Variants in SLC7A5 observed in about 807,000 individuals in gnomAD.
SLC7A5 encodes solute carrier family 7 member 5.
A neutral mutation model predicts 50.2 loss-of-function variants in SLC7A5; 23 were observed. The ratio of observed to expected loss-of-function variants is 0.46; its 90% CI spans 0.33 to 0.65. The LOEUF (loss-of-function observed/expected upper bound fraction) is 0.65. Among genes scored for constraint, SLC7A5 ranks in the 30% least tolerant of loss-of-function variants. SLC7A5 has a pLI of 0.02. For synonymous variants in SLC7A5, 393 were observed against 330.6 expected (o/e 1.19, Z -2.05); for missense variants, 578 against 684.4 (o/e 0.84, Z 1.73).
intron 1 of SLC7A5, among the ~76,000 whole-genome samples, chr16:87,866,015 A>G (rs114890910): frequency 0.024 from 3,682 of 152,226 alleles, 132 homozygotes; most frequent in African/African-American, 0.084. Context: ...AACAAAATCA[A>G]AAACAAAAAG....
chr16:87,853,175 C>T lies in SLC7A5; in HGVS notation c.539-1326G>A, dbSNP rs1446499711. On this transcript the variant is annotated intron_variant, in intron 1 of 9. Transcript: ENST00000261622. The surrounding 1 kb of genome is among the most constrained non-coding windows in gnomAD (Gnocchi z 4.4). ...GCCAAGGCCTTGAGGACTCCAGTGG[C>T]TTTTCCCCAGCTGAACAAATCCTGT... 2.0e-5 allele frequency among the ~76,000 whole-genome samples: 3 copies of T among 152,238 alleles called. No individual in the cohort carries two copies. The highest frequency in any genetic ancestry group is 4.4e-5 in the Non-Finnish European group (3 of 68,044).
intron 1 of SLC7A5, among the ~76,000 whole-genome samples, chr16:87,856,695 C>A (rs1019715275): frequency 5.3e-5 from 8 of 152,240 alleles, no homozygotes; most frequent in African/African-American, 1.7e-4. Context: ...CTGCCCAGTG[C>A]ACATGGGGCT....
rs1567505624 is a variant in SLC7A5, at chr16:87,869,446, G to C, written c.-24C>G. On this transcript the variant is annotated 5_prime_UTR_variant, in exon 1 of 10. Transcript: ENST00000261622. ...ATGCTCTGCGCACCGGCCGGGCCTG[G>C]GACACCCGGGAGCCGCGGCCCAGCG... is the stretch of plus-strand genomic sequence containing the variant. 2.2e-6 allele frequency: 3 copies of C among 1,387,344 alleles called. No homozygotes were observed. The East Asian group carries it at 8.8e-5, about 41-fold the overall frequency. 85.9% of individuals were successfully genotyped at this position (1,387,344 alleles called of 1,614,324 possible).
At position 87,851,833 on chromosome 16, in the gene SLC7A5, C is replaced by G. The variant is rs1314787280; in HGVS notation, c.555G>C (p.Val185=). Residue 185 remains valine, a synonymous_variant, in exon 2 of 10, where the codon GTG becomes GTC. Transcript: ENST00000261622. ...TGGCGGCCTTCACGCTGTAGCAGTT[C>G]ACGGCCGTGAGCAGCACTGTGGAGA... ...ACLCVLLLTA[V]NCYSVKAATR... is the part of the protein sequence containing the mutation. The G allele has an allele frequency of 6.2e-7, 1 of 1,612,966 alleles. No homozygotes were observed. The highest frequency in any genetic ancestry group is 8.5e-7 in the Non-Finnish European group (1 of 1,179,988).
intron 1 of SLC7A5, among the ~76,000 whole-genome samples, chr16:87,859,872 A>C (rs1333186705): frequency 6.6e-6 from 1 of 152,146 alleles, no homozygotes; most frequent in Non-Finnish European, 1.5e-5. Context: ...ACCGGGTTGC[A>C]GTGAGCTGAG....
At position 87,841,266 on chromosome 16, in the gene SLC7A5, G is replaced by A; in HGVS notation, c.665-111C>T. The A allele has an allele frequency of 2.7e-6, 2 of 748,610 alleles. No individual in the cohort carries two copies. Among genetic ancestry groups the A allele is most frequent in the South Asian group, 2.9e-5 (2 of 69,490 alleles). 46.4% of individuals were successfully genotyped at this position (748,610 alleles called of 1,614,324 possible). On this transcript the variant is annotated intron_variant, in intron 2 of 9. Coordinates refer to ENST00000261622, the MANE Select transcript of SLC7A5 (RefSeq NM_003486.7). The surrounding 1 kb of genome is among the most constrained non-coding windows in gnomAD (Gnocchi z 4.8). Reference sequence around the variant, plus strand: ...ATACATAGCAAACAAAAATGCTGGAGTGAAGGCTTTTCACTGTGACAAATG... The same window carrying A: ...ATACATAGCAAACAAAAATGCTGGAATGAAGGCTTTTCACTGTGACAAATG...
chr16:87,867,942 C>T (rs1417025640), intron 1 of SLC7A5, among the ~76,000 whole-genome samples: 3 of 151,732 alleles, frequency 2.0e-5, no homozygotes, highest in Admixed American at 6.6e-5. Context: ...GGTGAAACGC[C>T]GTCTCTACTA....
intron 7 of SLC7A5, chr16:87,836,878 G>A: frequency 1.9e-6 from 1 of 527,476 alleles, no homozygotes; most frequent in Non-Finnish European, 3.5e-6. Context: ...GGAGGGAGGA[G>A]AGGAGGGAAG....
intron 8 of SLC7A5, among the ~76,000 whole-genome samples, chr16:87,835,314 C>T (rs931157756): frequency 6.6e-6 from 1 of 152,240 alleles, no homozygotes; most frequent in Non-Finnish European, 1.5e-5. Flanking sequence ...ATGCCCAGGT[C>T]CCCATGGGGG....
At chr16:87,866,551 C>T (rs1415054557) in intron 1 of SLC7A5, among the ~76,000 whole-genome samples, 1 of 152,088 alleles carries the variant, frequency 6.6e-6, no homozygotes, top group African/African-American at 2.4e-5. Flanking sequence ...CTGCAACCTC[C>T]ACCTCCTGGG....
rs1301074160 is a variant in SLC7A5 at position 87,833,245 on chromosome 16, C to T, written c.1469-220G>A. Among the ~76,000 whole-genome samples the T allele has an allele frequency of 6.6e-6, 1 of 152,252 alleles. No homozygotes were observed. Among genetic ancestry groups the T allele is most frequent in the Non-Finnish European group, 1.5e-5 (1 of 68,038 alleles). On this transcript the variant is annotated intron_variant, in intron 9 of 9. Coordinates refer to ENST00000261622, the MANE Select transcript of SLC7A5 (RefSeq NM_003486.7). The surrounding 1 kb of genome is among the most constrained non-coding windows in gnomAD (Gnocchi z 6.0). The stretch of plus-strand genomic sequence containing the variant: ...TGAAATGCGGAAGTGCCACATCCCA[C>T]TCGGCCCACCCCTCGCCTGCTTCAG...
Position 87,836,576 on chromosome 16 carries a change from G to C in SLC7A5, c.1212C>G (p.Asn404Lys). The C allele has an allele frequency of 6.2e-7, 1 of 1,613,772 alleles. No individual in the cohort carries two copies. Among genetic ancestry groups the C allele is most frequent in the South Asian group, 1.1e-5 (1 of 91,090 alleles). ...FSVINFFSFF[N>K]WLCVALAIIG... is the part of the protein sequence containing the mutation. ...TGATGGCCAGGGCCACGCAGAGCCA[G>C]TTGAAGAAGCTGAAGAAGTTGATGA... is the stretch of plus-strand genomic sequence containing the variant. Residue 404 changes from asparagine to lysine, a missense_variant, in exon 8 of 10, where the codon AAC (asparagine) becomes AAG (lysine). Asn to Lys is a moderately conservative substitution (Grantham distance 94, BLOSUM62 0). Around this residue, in one of 2 missense-constraint regions of SLC7A5, gnomAD observed 465 missense variants for 594.6 expected, o/e 0.78. Transcript: ENST00000261622.
intron 2 of SLC7A5, among the ~76,000 whole-genome samples, chr16:87,848,742 C>T (rs1486398905): frequency 6.6e-6 from 1 of 152,250 alleles, no homozygotes; most frequent in African/African-American, 2.4e-5. Context: ...TTATTCCCCA[C>T]TGCGACTCTC....
At chr16:87,865,840 C>T (rs533092618) in intron 1 of SLC7A5, among the ~76,000 whole-genome samples, 1 of 151,616 alleles carries the variant, frequency 6.6e-6, no homozygotes. Context: ...ATCCACACCC[C>T]GCCGGGTGCG....
chr16:87,855,703 C>T (rs955752008), intron 1 of SLC7A5, among the ~76,000 whole-genome samples: 1 of 152,124 alleles, frequency 6.6e-6, no homozygotes, highest in Middle Eastern at 3.2e-3. Flanking sequence ...GATGATCCCC[C>T]AGGGTCCAGT....
intron 1 of SLC7A5, among the ~76,000 whole-genome samples, chr16:87,855,299 G>A (rs1464009154): frequency 2.0e-5 from 3 of 152,120 alleles, no homozygotes; most frequent in African/African-American, 7.2e-5. Flanking sequence ...CATCTCTGGG[G>A]TGGGGCCGGC....
chr16:87,863,986 A>AAAAAAAAAAAAATATAT (rs376938738), intron 1 of SLC7A5, among the ~76,000 whole-genome samples: 2 of 83,280 alleles, frequency 2.4e-5, no homozygotes, highest in African/African-American at 7.8e-5. Context: ...ATCATTTAAA[A>AAAAAAAAAAAAATATAT]ATATATATAT....
intron 1 of SLC7A5, among the ~76,000 whole-genome samples, chr16:87,854,222 G>A (rs1597509640): frequency 6.6e-6 from 1 of 152,150 alleles, no homozygotes; most frequent in East Asian, 1.9e-4. Context: ...GGACAGACAG[G>A]CGGGGGCCGG....
intron 2 of SLC7A5, among the ~76,000 whole-genome samples, chr16:87,842,466 CCAAA>C (rs549880848): frequency 5.3e-5 from 8 of 152,234 alleles, no homozygotes; most frequent in African/African-American, 4.8e-5. Flanking sequence ...GGCAATTACC[CCAAA>C]CAAAGTGCGC....
Sources: allele counts gnomAD v4.1 joint callset (sites outside exome capture counted in the v4.1 genomes callset), GRCh38; gene constraint gnomAD v4.1.1; regional missense constraint gnomAD v4.1.1; non-coding constraint Gnocchi (gnomAD v3.1); transcripts MANE v1.5; gene names NCBI Gene and HGNC (gene_info 2026-07-23, HGNC 2026-07-21).